Variants in MFSD11 observed in about 807,000 individuals in gnomAD.
MFSD11 encodes the protein UNC93-like protein MFSD11.
A neutral mutation model predicts 53.5 loss-of-function variants in MFSD11; 36 were observed. The ratio of observed to expected loss-of-function variants is 0.67; its 90% CI spans 0.52 to 0.89. MFSD11 has a LOEUF of 0.89. MFSD11 is among the 40% of genes least tolerant of loss of function. The probability of loss-of-function intolerance (pLI) is 0.00; values close to 1 mark genes in which losing one functional copy is unlikely to be tolerated. For missense variants in MFSD11, 530 were observed against 543.9 expected (o/e 0.97, Z 0.25); for synonymous variants, 186 against 184.9 (o/e 1.01, Z -0.05).
chr17:76,742,419 A>T, intron 5 of MFSD11, 146 bp downstream of exon 5: 1 of 675,062 alleles, frequency 1.5e-6, no homozygotes. Context: ...AATTTTATAG[A>T]ATCACTTGTA....
chr17:76,790,940 CA>C, the MFSD11 span, among the ~76,000 whole-genome samples: 4,832 of 113,310 alleles, frequency 0.043, 470 homozygotes, highest in African/African-American at 0.14. Flanking sequence ...GACTCCATCT[CA>C]AAAAAAAAAA....
At chr17:76,794,165 A>C in the MFSD11 span, among the ~76,000 whole-genome samples, 1 of 151,414 alleles carries the variant, frequency 6.6e-6, no homozygotes, top group Non-Finnish European at 1.5e-5. Context: ...GTAGCAAGCT[A>C]ATACAAGGAG....
rs920791197 is a variant in MFSD11, at chr17:76,751,392, GA to G, written c.642-2644del. 3.6e-4 allele frequency among the ~76,000 whole-genome samples: 52 copies of G among 143,206 alleles called. 1 individual carries two copies. The highest frequency in any genetic ancestry group is 3.8e-3 in the Middle Eastern group (1 of 262). The allele number at this position is 143,206 out of a possible 152,430, so 93.9% of individuals were successfully genotyped here. On this transcript the variant is annotated intron_variant, in intron 7 of 12. Transcript: ENST00000685175. ...GTGACAGAGCGAGACATTGTCTTAA[GA>G]AAAAAAAAAATCTTTCTAGGATGGG...
intron 7 of MFSD11, among the ~76,000 whole-genome samples, chr17:76,748,365 AG>A (rs1449755119): frequency 5.9e-5 from 9 of 152,248 alleles, no homozygotes; most frequent in African/African-American, 1.9e-4. Context: ...TCACAGAAAA[AG>A]ATTTGAAGAG....
At position 76,766,126 on chromosome 17, in the gene MFSD11, T is replaced by C; in HGVS notation, c.683-1260T>C. 1.3e-5 allele frequency among the ~76,000 whole-genome samples: 2 copies of C among 151,348 alleles called. 1 individual carries two copies. The highest frequency in any genetic ancestry group is 2.9e-5 in the Non-Finnish European group (2 of 67,914). On this transcript the variant is annotated intron_variant, in intron 8 of 12. Transcript: ENST00000685175. ...GCTAAGTCTTCTGATTTTTCTAAAA[T>C]GAACATGTGGCCAGGAGTGATGGCT...
At chr17:76,789,455 A>G in the MFSD11 span, among the ~76,000 whole-genome samples, 1 of 150,102 alleles carries the variant, frequency 6.7e-6, no homozygotes, top group Non-Finnish European at 1.5e-5. Context: ...GAGGAAGGTC[A>G]TATACCAGTT....
At chr17:76,801,926 C>T in the MFSD11 span, among the ~76,000 whole-genome samples, 3 of 152,018 alleles carry the variant, frequency 2.0e-5, no homozygotes, top group African/African-American at 7.2e-5. Context: ...TAGGTCTTGG[C>T]CTCATTTTAC....
chr17:76,794,972 G>A, the MFSD11 span, among the ~76,000 whole-genome samples: 1 of 151,536 alleles, frequency 6.6e-6, no homozygotes, highest in East Asian at 2.0e-4. Context: ...GGGATTACAG[G>A]CATGAGCCAC....
chr17:76,766,391 C>T (rs1237112907), intron 8 of MFSD11, among the ~76,000 whole-genome samples: 1 of 148,100 alleles, frequency 6.8e-6, no homozygotes, highest in African/African-American at 2.5e-5. Context: ...TCTACTCCAG[C>T]CTGGGTGACA....
chr17:76,801,215 A>C, the MFSD11 span, among the ~76,000 whole-genome samples: 43 of 151,936 alleles, frequency 2.8e-4, no homozygotes, highest in Non-Finnish European at 3.4e-4. Context: ...AACATGGCAA[A>C]ACTCCGTCTC....
chr17:76,759,908 T>C (rs2080043726), intron 8 of MFSD11, among the ~76,000 whole-genome samples: 1 of 150,808 alleles, frequency 6.6e-6, no homozygotes, highest in South Asian at 2.1e-4. Context: ...GCCACACATA[T>C]TTTCTATACG....
At chr17:76,782,948 G>A (rs2082205839), downstream of MFSD11, among the ~76,000 whole-genome samples, 1 of 151,742 alleles carries the variant, frequency 6.6e-6, no homozygotes, top group Non-Finnish European at 1.5e-5. Flanking sequence ...GGAGGCCAAG[G>A]CAGGCAGATC....
At chr17:76,757,050 G>C (rs2144550061) in intron 8 of MFSD11, among the ~76,000 whole-genome samples, 1 of 152,266 alleles carries the variant, frequency 6.6e-6, no homozygotes, top group South Asian at 2.1e-4. Context: ...TACTTGGTGA[G>C]ATCGGAGTCG....
At chr17:76,775,223 G>C in intron 11 of MFSD11, 52 bp downstream of exon 11, 1 of 1,541,476 alleles carries the variant, frequency 6.5e-7, no homozygotes, top group Non-Finnish European at 8.9e-7. Flanking sequence ...GGAGGTAACG[G>C]ATGGCTAGAT....
intron 8 of MFSD11, among the ~76,000 whole-genome samples, chr17:76,761,804 C>G (rs1385082681): frequency 1.3e-5 from 2 of 151,896 alleles, no homozygotes. Flanking sequence ...GCCTGTAATC[C>G]CAGCTACTTG....
chr17:76,770,031 C>CTT (rs367900405), intron 10 of MFSD11, among the ~76,000 whole-genome samples, 160 bp downstream of exon 10: 2,871 of 131,044 alleles, frequency 0.022, 132 homozygotes, highest in African/African-American at 0.079. Context: ...TATTCTTTTT[C>CTT]TTTTTTTTTT....
Position 76,744,355 on chromosome 17 carries a change from C to T in MFSD11, c.530C>T (p.Thr177Met), listed in dbSNP as rs183691521. The part of the protein sequence containing the change: ...SDRRTVFIAL[T>M]VISLVGTVLF... ...CGAAGAACAGTGTTTATTGCCCTAA[C>T]GGTGATTAGCCTTGTGGGGACAGTT... The change falls in exon 7 of 13, where the codon ACG (threonine) becomes ATG (methionine). Residue 177 changes from threonine to methionine, a missense_variant. Coordinates refer to ENST00000685175, the MANE Select transcript of MFSD11 (RefSeq NM_001242532.5). 8.3e-5 allele frequency: 134 copies of T among 1,613,890 alleles called. No homozygotes were observed. The East Asian group carries it at 2.7e-3, about 32-fold the overall frequency.
intron 10 of MFSD11, 122 bp downstream of exon 10, chr17:76,769,993 A>T: frequency 4.6e-6 from 4 of 875,434 alleles, no homozygotes; most frequent in South Asian, 1.7e-5. Flanking sequence ...TTTTACCCAA[A>T]CGTGTGTTTT....
chr17:76,737,054 T>G (rs757286065), upstream of MFSD11: 1 of 1,613,310 alleles, frequency 6.2e-7, no homozygotes. Flanking sequence ...GCGCCCGTAC[T>G]TCTCGAAGAC....
Sources: gnomAD v4.1 joint callset for allele counts (sites outside exome capture counted in the v4.1 genomes callset) on GRCh38, gnomAD v4.1.1 for gene constraint, MANE v1.5 for transcripts, NCBI Gene and HGNC (gene_info 2026-07-23, HGNC 2026-07-21) for gene names.